MAST2: variants seen among roughly 807,000 people sequenced by gnomAD.
The protein encoded by MAST2 is microtubule-associated serine/threonine-protein kinase 2.
Under a neutral mutation model 147.4 loss-of-function variants are expected in MAST2, and 70 were observed. The observed-to-expected ratio is 0.47, with a 90% CI of 0.39 to 0.58. The LOEUF is 0.58. Ranked by LOEUF, MAST2 falls within the 20% of genes least tolerant of loss-of-function variation. The pLI is 0.00. For missense variants in MAST2, 2,080 were observed against 2,302.3 expected (o/e 0.90, Z 1.98); for synonymous variants, 869 against 896.8 (o/e 0.97, Z 0.55).
At chr1:45,957,827 T>C (rs1659858432) in intron 4 of MAST2, among the ~76,000 whole-genome samples, 1 of 152,162 alleles carries the variant, frequency 6.6e-6, no homozygotes, top group African/African-American at 2.4e-5. Flanking sequence ...GCCAGCATGA[T>C]TCTGGGTTTT....
At chr1:45,808,866 G>A (rs1024988299) in intron 1 of MAST2, among the ~76,000 whole-genome samples, 1 of 151,666 alleles carries the variant, frequency 6.6e-6, no homozygotes, top group Non-Finnish European at 1.5e-5. Context: ...GAAGACCTTG[G>A]CATTCAAGAT....
intron 4 of MAST2, among the ~76,000 whole-genome samples, chr1:45,949,223 A>G (rs1180923802): frequency 3.9e-5 from 6 of 152,170 alleles, no homozygotes; most frequent in African/African-American, 1.4e-4. Context: ...AAAAATGGAC[A>G]AGTTTAATTA....
intron 10 of MAST2, among the ~76,000 whole-genome samples, chr1:46,014,168 T>G (rs1328905431): frequency 6.7e-6 from 1 of 149,274 alleles, no homozygotes; most frequent in Non-Finnish European, 1.5e-5. Context: ...TGATTATGTA[T>G]TTTTCTTTTT....
At chr1:45,821,597 G>C (rs1239836969) in intron 1 of MAST2, among the ~76,000 whole-genome samples, 1 of 141,584 alleles carries the variant, frequency 7.1e-6, no homozygotes, top group Admixed American at 7.7e-5. Flanking sequence ...TTGGCTCGCT[G>C]CAACCTCTGC....
At chr1:46,008,576 GT>G (rs1213579480) in intron 9 of MAST2, among the ~76,000 whole-genome samples, 1 of 152,256 alleles carries the variant, frequency 6.6e-6, no homozygotes, top group Non-Finnish European at 1.5e-5. Flanking sequence ...GAAGCTATGA[GT>G]TTGGGAACTG....
At chr1:45,843,122 AT>A (rs1045194523) in intron 3 of MAST2, among the ~76,000 whole-genome samples, 3 of 150,206 alleles carry the variant, frequency 2.0e-5, no homozygotes, top group South Asian at 2.1e-4. Flanking sequence ...TCCTTTGCCC[AT>A]TTTTTTTAAT....
chr1:45,806,126 G>A (rs1263403969), intron 1 of MAST2, among the ~76,000 whole-genome samples: 1 of 152,166 alleles, frequency 6.6e-6, no homozygotes, highest in Non-Finnish European at 1.5e-5. Context: ...ACTCACATCA[G>A]GATGGAGAAC....
rs78616259 is a variant in MAST2 at position 45,990,780 on chromosome 1, C to G, written c.593-6944C>G. 2.9e-3 allele frequency among the ~76,000 whole-genome samples: 444 copies of G among 152,260 alleles called. 3 individuals carry two copies. The highest frequency in any genetic ancestry group is 0.02 in the East Asian group (104 of 5,172). On this transcript the variant is annotated intron_variant, in intron 5 of 28. Coordinates refer to ENST00000361297, the MANE Select transcript of MAST2 (RefSeq NM_015112.3). ...GGATTACAGGCATGAGCCACCATGC[C>G]CAGCCAAGTATGTGTTTTTTACAGA...
At chr1:45,913,490 T>G in intron 4 of MAST2, 2 of 674,304 alleles carry the variant, frequency 3.0e-6, no homozygotes, top group Non-Finnish European at 3.7e-6. Context: ...GGGAGGGAGT[T>G]TGGTGCTTGT....
chr1:45,880,373 GAAT>G (rs1646790822), intron 3 of MAST2, among the ~76,000 whole-genome samples: 1 of 152,302 alleles, frequency 6.6e-6, no homozygotes, highest in Middle Eastern at 3.4e-3. Flanking sequence ...GACATAATGA[GAAT>G]AATATTTGCT....
chr1:45,845,209 G>A (rs1339284599), intron 3 of MAST2, among the ~76,000 whole-genome samples: 1 of 152,034 alleles, frequency 6.6e-6, no homozygotes, highest in East Asian at 1.9e-4. Flanking sequence ...GCAAGTTTTT[G>A]GTAAGGTGTC....
At chr1:45,918,471 T>C (rs1482705653) in intron 4 of MAST2, among the ~76,000 whole-genome samples, 2 of 152,182 alleles carry the variant, frequency 1.3e-5, no homozygotes, top group Non-Finnish European at 2.9e-5. Flanking sequence ...AGAGTTTCGC[T>C]CTTGTCACCC....
intron 5 of MAST2, among the ~76,000 whole-genome samples, chr1:45,972,392 G>T (rs1047272190): frequency 2.1e-4 from 32 of 152,340 alleles, no homozygotes; most frequent in Admixed American, 2.0e-3. Flanking sequence ...CAGAAGAGGG[G>T]AAAAGTTTCT....
At chr1:46,014,540 G>A (rs1171438530) in intron 10 of MAST2, among the ~76,000 whole-genome samples, 5 of 151,942 alleles carry the variant, frequency 3.3e-5, no homozygotes, top group Admixed American at 6.6e-5. Context: ...ATTCCATGGT[G>A]TATATGTGCC....
rs1646874652 is a variant in MAST2 at position 46,035,658 on chromosome 1, G to A, written c.4989G>A (p.Glu1663=). Residue 1663 remains glutamate (E), a synonymous_variant, in exon 29 of 29, where the codon GAG becomes GAA. Coordinates refer to ENST00000361297, the MANE Select transcript of MAST2 (RefSeq NM_015112.3). The surrounding 1 kb of genome is among the most constrained non-coding windows in gnomAD (Gnocchi z 5.5). ...TGTGGTCCTGGAAATCCCTTATTGA[G>A]GGCCCAGACAGGGCATCCCCAAGCA... ...LSMWSWKSLI[E]GPDRASPSRK... 1.9e-6 allele frequency: 3 copies of A among 1,613,924 alleles called. No homozygotes were observed. Among genetic ancestry groups the A allele is most frequent in the Non-Finnish European group, 2.5e-6 (3 of 1,180,010 alleles).
chr1:45,864,250 A>T (rs1646071248), intron 3 of MAST2, among the ~76,000 whole-genome samples: 1 of 152,190 alleles, frequency 6.6e-6, no homozygotes, highest in African/African-American at 2.4e-5. Context: ...GTCTGGGGGA[A>T]TGGGGAGCGT....
chr1:45,818,682 C>G (rs1420929729), intron 1 of MAST2, among the ~76,000 whole-genome samples: 1 of 152,182 alleles, frequency 6.6e-6, no homozygotes, highest in Non-Finnish European at 1.5e-5. Flanking sequence ...CCACTACACT[C>G]CTCACCTTCA....
chr1:45,827,482 G>A (rs1262080343), intron 2 of MAST2, among the ~76,000 whole-genome samples: 2 of 152,086 alleles, frequency 1.3e-5, no homozygotes, highest in African/African-American at 4.8e-5. Context: ...AGAGAGAGAT[G>A]ATAGTAATCT....
intron 4 of MAST2, among the ~76,000 whole-genome samples, chr1:45,932,127 T>A (rs1264687471): frequency 6.6e-6 from 1 of 152,166 alleles, no homozygotes; most frequent in East Asian, 1.9e-4. Context: ...AAGTTACTCT[T>A]TTTTTCCCTT....
Sources: gnomAD v4.1 joint callset for allele counts (sites outside exome capture counted in the v4.1 genomes callset) on GRCh38, gnomAD v4.1.1 for gene constraint, Gnocchi (gnomAD v3.1) non-coding constraint, MANE v1.5 for transcripts, NCBI Gene and HGNC (gene_info 2026-07-23, HGNC 2026-07-21) for gene names.